Variants in ARFGEF1 observed in about 807,000 individuals in gnomAD.
ARFGEF1 encodes the protein ARF guanine nucleotide exchange factor 1, also known as brefeldin A-inhibited guanine nucleotide-exchange protein 1.
In ARFGEF1, 42 loss-of-function variants were observed where a neutral mutation model predicts 231.0. The observed-to-expected ratio is 0.18, with a 90% CI of 0.14 to 0.24. The LOEUF is 0.24. ARFGEF1 is among the 10% of genes least tolerant of loss of function. ARFGEF1 has a pLI of 1.00. For missense variants in ARFGEF1, 1,345 were observed against 2,192.0 expected (o/e 0.61, Z 7.72); for synonymous variants, 710 against 732.3 (o/e 0.97, Z 0.49).
intron 19 of ARFGEF1, among the ~76,000 whole-genome samples, chr8:67,245,235 C>A (rs1226156404): frequency 6.7e-6 from 1 of 150,318 alleles, no homozygotes; most frequent in Non-Finnish European, 1.5e-5. Context: ...GGGAGTACTT[C>A]AATCAGAAAA....
At chr8:67,187,155 TATA>T (rs1834902243) in intron 5 of ARFGEF1, among the ~76,000 whole-genome samples, 1 of 152,210 alleles carries the variant, frequency 6.6e-6, no homozygotes, top group Non-Finnish European at 1.5e-5. Flanking sequence ...CAACTTGATC[TATA>T]GATTCAGTAC....
intron 29 of ARFGEF1, among the ~76,000 whole-genome samples, chr8:67,222,979 G>C (rs577388941): frequency 6.6e-6 from 1 of 152,202 alleles, no homozygotes; most frequent in South Asian, 2.1e-4. Context: ...AGGAGCAATA[G>C]GCTATGCCAT....
chr8:67,177,236 A>C (rs181955621), intron 5 of ARFGEF1, among the ~76,000 whole-genome samples: 66 of 152,296 alleles, frequency 4.3e-4, no homozygotes, highest in African/African-American at 1.6e-3. Context: ...ACACATAGGA[A>C]GGCTGGTCAT....
chr8:67,248,903 A>G (rs546115824), intron 19 of ARFGEF1, among the ~76,000 whole-genome samples: 3 of 150,790 alleles, frequency 2.0e-5, no homozygotes, highest in Admixed American at 1.3e-4. Context: ...ACAAAGTGCA[A>G]TAATGTTTGA....
At chr8:67,312,255 A>C (rs552378122) in intron 1 of ARFGEF1, among the ~76,000 whole-genome samples, 427 of 151,856 alleles carry the variant, frequency 2.8e-3, no homozygotes, top group Middle Eastern at 0.014. Flanking sequence ...TAAAAAAAAA[A>C]AAAAACAACA....
chr8:67,320,730 G>A (rs1807549462), intron 1 of ARFGEF1, among the ~76,000 whole-genome samples: 1 of 151,862 alleles, frequency 6.6e-6, no homozygotes, highest in African/African-American at 2.4e-5. Flanking sequence ...GCTGAGGCAG[G>A]TGGATTACCT....
chr8:67,251,885 A>G (rs1215236670), intron 18 of ARFGEF1, among the ~76,000 whole-genome samples: 1 of 152,222 alleles, frequency 6.6e-6, no homozygotes, highest in East Asian at 1.9e-4. Context: ...AACCTATGAA[A>G]AGGGAAACGA....
intron 1 of ARFGEF1, among the ~76,000 whole-genome samples, chr8:67,318,109 C>T (rs1478259661): frequency 9.0e-5 from 13 of 143,880 alleles, no homozygotes; most frequent in East Asian, 6.3e-4. Flanking sequence ...TGGTGGCGGG[C>T]GCCTATAGTC....
At chr8:67,275,452 G>A (rs994590873) in intron 9 of ARFGEF1, among the ~76,000 whole-genome samples, 3 of 151,938 alleles carry the variant, frequency 2.0e-5, no homozygotes, top group African/African-American at 7.3e-5. Context: ...CATCATCCTA[G>A]GGCATTTTGT....
chr8:67,226,101 A>G lies in ARFGEF1; in HGVS notation c.3999T>C (p.Asn1333=), dbSNP rs918154345. The stretch of plus-strand genomic sequence containing the variant: ...CCATACTTGTGTCTGGGAAAGCTGC[A>G]TTGCACGCAAATTCAGACAAACACT... ...AVKCLSEFAC[N]AAFPDTSMEA... is the part of the protein sequence containing the mutation. Residue 1333 remains asparagine, a synonymous_variant, in exon 28 of 39, where the codon AAT becomes AAC. Coordinates refer to ENST00000262215, the MANE Select transcript of ARFGEF1 (RefSeq NM_006421.5). The G allele has an allele frequency of 6.2e-7, 1 of 1,613,384 alleles. No homozygotes were observed. Among genetic ancestry groups the G allele is most frequent in the African/African-American group, 1.3e-5 (1 of 75,012 alleles).
In ARFGEF1 at chr8:67,267,107, C is replaced by A. The variant is rs1201770117; in HGVS notation, c.1796G>T (p.Gly599Val). 1 of 1,612,946 alleles carries A rather than the reference C, an allele frequency of 6.2e-7. No individual in the cohort carries two copies. Among genetic ancestry groups the A allele is most frequent in the Admixed American group, 1.7e-5 (1 of 59,986 alleles). Residue 599 changes from glycine to valine, a missense_variant, in exon 12 of 39, where the codon GGT becomes GTT. Gly to Val is a moderately radical substitution (Grantham distance 109). This residue lies in a region of ARFGEF1 where 141 missense variants were observed against 259.9 expected (regional missense o/e 0.54). Coordinates refer to ENST00000262215, the MANE Select transcript of ARFGEF1 (RefSeq NM_006421.5). ...IAQGRGSQEL[G>V]MSNVQELSLR... ...AGTTCTTACCTGAACATTACTCATA[C>A]CAAGTTCTTGACTGCCCCTTCCTTG...
chr8:67,336,384 G>C (rs140025624), intron 1 of ARFGEF1, among the ~76,000 whole-genome samples: 14 of 152,322 alleles, frequency 9.2e-5, no homozygotes, highest in African/African-American at 3.4e-4. Context: ...TGAAAAGTTA[G>C]GATAAAAGGG....
intron 1 of ARFGEF1, among the ~76,000 whole-genome samples, chr8:67,331,852 G>T (rs998310850): frequency 2.0e-5 from 3 of 152,134 alleles, no homozygotes; most frequent in Admixed American, 6.5e-5. Context: ...TTTGTACCTA[G>T]CACAGGTATA....
At chr8:67,317,638 C>T (rs570077671) in intron 1 of ARFGEF1, among the ~76,000 whole-genome samples, 24 of 148,780 alleles carry the variant, frequency 1.6e-4, no homozygotes, top group Admixed American at 6.7e-4. Flanking sequence ...AGGTTGGGAG[C>T]GGTGGCTTAC....
intron 5 of ARFGEF1, among the ~76,000 whole-genome samples, chr8:67,190,979 G>A (rs1836061112): frequency 6.6e-6 from 1 of 152,180 alleles, no homozygotes; most frequent in South Asian, 2.1e-4. Flanking sequence ...GTCTCCTGGG[G>A]TGGCTGTAAG....
chr8:67,255,918 G>T (rs1233974513), intron 17 of ARFGEF1, among the ~76,000 whole-genome samples: 1 of 152,184 alleles, frequency 6.6e-6, no homozygotes, highest in Non-Finnish European at 1.5e-5. Context: ...CTTATGAAAA[G>T]ACATAAAAGG....
chr8:67,262,253 T>C (rs1804655635), intron 14 of ARFGEF1, among the ~76,000 whole-genome samples: 1 of 151,918 alleles, frequency 6.6e-6, no homozygotes, highest in Non-Finnish European at 1.5e-5. Flanking sequence ...TTTTCAGGAG[T>C]CCAAGACATC....
chr8:67,210,668 A>G (rs1365911065), intron 34 of ARFGEF1, among the ~76,000 whole-genome samples: 2 of 152,110 alleles, frequency 1.3e-5, no homozygotes, highest in African/African-American at 2.4e-5. Context: ...TGGCGGAAAA[A>G]GCTGACATTT....
At chr8:67,206,647 C>A (rs1172815463) in intron 34 of ARFGEF1, among the ~76,000 whole-genome samples, 4 of 152,172 alleles carry the variant, frequency 2.6e-5, no homozygotes, top group Admixed American at 1.3e-4. Flanking sequence ...TAAGCCAATG[C>A]AGCAGCGCAA....
Sources: gnomAD v4.1 joint callset for allele counts (sites outside exome capture counted in the v4.1 genomes callset) on GRCh38, gnomAD v4.1.1 for gene constraint, gnomAD v4.1.1 regional missense constraint, MANE v1.5 for transcripts, NCBI Gene and HGNC (gene_info 2026-07-23, HGNC 2026-07-21) for gene names.